CA10: variants seen among roughly 807,000 people sequenced by gnomAD.
CA10 encodes carbonic anhydrase 10 (inactive), also known as carbonic anhydrase-related protein 10.
Under a neutral mutation model 44.2 loss-of-function variants are expected in CA10, and 14 were observed. The ratio of observed to expected loss-of-function variants is 0.32; its 90% CI spans 0.21 to 0.50. The LOEUF (loss-of-function observed/expected upper bound fraction) is 0.50, where lower values mean the gene tolerates loss of function less well. Ranked by LOEUF, CA10 falls within the 20% of genes least tolerant of loss-of-function variation. The pLI is 0.99. For synonymous variants in CA10, 159 were observed against 141.6 expected (o/e 1.12, Z -0.87); for missense variants, 350 against 409.7 (o/e 0.85, Z 1.26).
chr17:51,851,629 C>T (rs1978799038), intron 3 of CA10, among the ~76,000 whole-genome samples: 1 of 151,990 alleles, frequency 6.6e-6, no homozygotes, highest in African/African-American at 2.4e-5. Context: ...AGGGTCTTTT[C>T]CTGAACAGAT....
rs57645751 is a variant in CA10, at chr17:51,636,067, GACATACATACAT to G, written c.635-70_635-59del. ...TTCTTGAGAAAGGGATGGTATTGCT[GACATACATACAT>G]ACATACATACATATACATATACATA... On this transcript the variant is annotated intron_variant, in intron 6 of 8. Coordinates refer to ENST00000451037, the MANE Select transcript of CA10 (RefSeq NM_020178.5). 70 of 763,904 alleles carry G rather than the reference GACATACATACAT, an allele frequency of 9.2e-5. 1 individual carries two copies. In the South Asian group the frequency reaches 1.4e-3, roughly 15 times the overall value. The allele number at this position is 763,904 out of a possible 1,614,324, so 47.3% of individuals were successfully genotyped here. A position where few individuals can be genotyped will look rare whatever the true frequency, so the allele number is the denominator to read the frequency against.
chr17:51,709,871 G>A (rs1027310720), intron 4 of CA10, among the ~76,000 whole-genome samples: 5 of 152,292 alleles, frequency 3.3e-5, no homozygotes, highest in Non-Finnish European at 7.3e-5. Context: ...TCCTTGCTGC[G>A]TGCAGTGGCA....
intron 3 of CA10, among the ~76,000 whole-genome samples, chr17:51,867,457 G>T (rs7219884): frequency 0.032 from 4,932 of 152,250 alleles, 252 homozygotes; most frequent in African/African-American, 0.11. Flanking sequence ...GCTTTGAAGT[G>T]CAGCAAGTTC....
intron 4 of CA10, among the ~76,000 whole-genome samples, chr17:51,708,308 G>A (rs1377962294): frequency 2.0e-5 from 3 of 152,202 alleles, no homozygotes; most frequent in African/African-American, 7.2e-5. Flanking sequence ...ATGCTGATGG[G>A]ACACAGGGAA....
At position 51,871,394 on chromosome 17, in the gene CA10, AT is replaced by A. The variant is rs11438821; in HGVS notation, c.279+59595del. On this transcript the variant is annotated intron_variant, in intron 3 of 8. Transcript: ENST00000451037. ...TTACAGGTGCCCACCACCAGGCCTA[AT>A]TTTTTTTTTTTTTTTTTTTTTTTTA... Among the ~76,000 whole-genome samples the A allele has an allele frequency of 4.3e-3, 347 of 81,286 alleles. 2 individuals are homozygous for A. The highest frequency in any genetic ancestry group is 0.016 in the African/African-American group (320 of 19,956). 53.3% of individuals were successfully genotyped at this position (81,286 alleles called of 152,430 possible). A position where few individuals can be genotyped will look rare whatever the true frequency, so the allele number is the denominator to read the frequency against.
intron 2 of CA10, among the ~76,000 whole-genome samples, chr17:51,947,739 C>T (rs1983338191): frequency 6.6e-6 from 1 of 152,090 alleles, no homozygotes; most frequent in East Asian, 1.9e-4. Context: ...GCACTTAGCA[C>T]ACCTTGACAA....
chr17:51,733,868 G>A, intron 4 of CA10, among the ~76,000 whole-genome samples: 1 of 152,114 alleles, frequency 6.6e-6, no homozygotes, highest in East Asian at 1.9e-4. Context: ...CATTTAACTT[G>A]TAATTAATTC....
intron 5 of CA10, among the ~76,000 whole-genome samples, chr17:51,652,649 C>G (rs1442981060): frequency 6.6e-6 from 1 of 152,192 alleles, no homozygotes; most frequent in Non-Finnish European, 1.5e-5. Context: ...GGTGAAGTGC[C>G]TATGGCACGG....
At chr17:51,681,650 G>A (rs1914851462) in intron 4 of CA10, among the ~76,000 whole-genome samples, 1 of 152,144 alleles carries the variant, frequency 6.6e-6, no homozygotes, top group African/African-American at 2.4e-5. Flanking sequence ...GAGACCACTG[G>A]TTTAAGGTAA....
At chr17:51,854,903 T>C (rs1180036109) in intron 3 of CA10, among the ~76,000 whole-genome samples, 1 of 152,198 alleles carries the variant, frequency 6.6e-6, no homozygotes, top group Non-Finnish European at 1.5e-5. Flanking sequence ...AACTACCTTA[T>C]GCTCTTTTTA....
chr17:52,139,851 C>A (rs1989439040), intron 1 of CA10, among the ~76,000 whole-genome samples: 1 of 152,102 alleles, frequency 6.6e-6, no homozygotes, highest in African/African-American at 2.4e-5. Flanking sequence ...CAGCACTTTG[C>A]ACAGTGCCTG....
intron 1 of CA10, among the ~76,000 whole-genome samples, chr17:52,082,348 A>C (rs1393161089): frequency 6.6e-6 from 1 of 152,232 alleles, no homozygotes; most frequent in Admixed American, 6.5e-5. Context: ...AGGGACAAAA[A>C]GATTACCTCT....
In CA10 at chr17:52,157,701, C is replaced by T. The variant is rs372020862; in HGVS notation, c.61+25G>A. ...GACATCACAACATAATCCAAATCAG[C>T]CAGTGACTTCGGCGCGTCCCGTACC... On this transcript the variant is annotated intron_variant, in intron 1 of 8. Coordinates refer to ENST00000451037, the MANE Select transcript of CA10 (RefSeq NM_020178.5). The T allele has an allele frequency of 8.1e-6, 13 of 1,609,164 alleles. No homozygotes were observed. In the African/African-American group the frequency reaches 1.7e-4, roughly 22 times the overall value.
rs1555608412 is a variant in CA10 at position 51,878,893 on chromosome 17, G to GGGGTGT, written c.279+52096_279+52097insACACCC. Among the ~76,000 whole-genome samples, 117 of 52,364 alleles carry GGGGTGT rather than the reference G, an allele frequency of 2.2e-3. 18 individuals carry two copies. The highest frequency in any genetic ancestry group is 7.5e-3 in the African/African-American group (113 of 15,050). 34.4% of individuals were successfully genotyped at this position (52,364 alleles called of 152,430 possible). The stretch of plus-strand genomic sequence containing the variant: ...ATATATATATATATATATATATATG[G>GGGGTGT]GTGTGTGTGTGTGTGTGTGTATGTG... On this transcript the variant is annotated intron_variant, in intron 3 of 8. Coordinates refer to ENST00000451037, the MANE Select transcript of CA10 (RefSeq NM_020178.5).
At chr17:51,759,460 A>T (rs1276944678) in intron 3 of CA10, among the ~76,000 whole-genome samples, 2 of 145,788 alleles carry the variant, frequency 1.4e-5, no homozygotes, top group African/African-American at 2.5e-5. Context: ...AATATTTAAT[A>T]TTTTATTATA....
At chr17:52,095,055 A>G (rs983486811) in intron 1 of CA10, among the ~76,000 whole-genome samples, 3 of 152,180 alleles carry the variant, frequency 2.0e-5, no homozygotes, top group Non-Finnish European at 4.4e-5. Context: ...ATAGCCAAAG[A>G]CTGAACAACC....
At chr17:51,708,577 T>G (rs1567811656) in intron 4 of CA10, among the ~76,000 whole-genome samples, 1 of 152,178 alleles carries the variant, frequency 6.6e-6, no homozygotes, top group South Asian at 2.1e-4. Context: ...GAGTGTCAAC[T>G]TGATTGCATG....
At chr17:51,671,817 T>G (rs1482376856) in intron 4 of CA10, among the ~76,000 whole-genome samples, 3 of 152,198 alleles carry the variant, frequency 2.0e-5, no homozygotes, top group African/African-American at 7.2e-5. Flanking sequence ...CATGCTGGCC[T>G]TCTGGATTTT....
At chr17:51,863,807 A>G (rs963036985) in intron 3 of CA10, among the ~76,000 whole-genome samples, 1 of 152,210 alleles carries the variant, frequency 6.6e-6, no homozygotes, top group Non-Finnish European at 1.5e-5. Flanking sequence ...TGAAACTCCC[A>G]CCATCCTCAA....
Sources: allele counts gnomAD v4.1 joint callset (sites outside exome capture counted in the v4.1 genomes callset), GRCh38; gene constraint gnomAD v4.1.1; transcripts MANE v1.5; gene names NCBI Gene and HGNC (gene_info 2026-07-23, HGNC 2026-07-21).